FBXW2: variants seen among roughly 807,000 people sequenced by gnomAD.
FBXW2 encodes the protein F-box/WD repeat-containing protein 2.
In FBXW2, 12 loss-of-function variants were observed where a neutral mutation model predicts 46.0. That is an observed-to-expected ratio of 0.26 (90% CI 0.17 to 0.42). FBXW2 has a LOEUF of 0.42. FBXW2 is among the 10% of genes least tolerant of loss of function. The pLI, the probability that FBXW2 is intolerant of heterozygous loss-of-function variation, is 1.00. For missense variants in FBXW2, 360 were observed against 537.0 expected, an observed-to-expected ratio of 0.67 and a Z score of 3.26; for synonymous variants, 203 against 209.6, an observed-to-expected ratio of 0.97 and a Z score of 0.27.
intron 2 of FBXW2, among the ~76,000 whole-genome samples, chr9:120,790,541 GA>G (rs1411334974): frequency 2.2e-4 from 33 of 152,268 alleles, no homozygotes; most frequent in African/African-American, 7.9e-4. Flanking sequence ...TTTTAACAGT[GA>G]AAAGTGTGGT....
At position 120,792,854 on chromosome 9, in the gene FBXW2, T is replaced by C. The variant is rs2044878831; in HGVS notation, c.-21+295A>G. The C allele has an allele frequency of 2.0e-6, 3 of 1,466,756 alleles. No individual in the cohort carries two copies. In the East Asian group the frequency reaches 8.5e-5, roughly 42 times the overall value. 90.9% of individuals were successfully genotyped at this position (1,466,756 alleles called of 1,614,324 possible). On this transcript the variant is annotated intron_variant, in intron 2 of 7. Transcript: ENST00000608872. ...TACTTAGCATTAATATTGTTATCTT[T>C]GCTTTACTTCAAGCAGCACCCCACA...
chr9:120,785,333 T>A (rs1411382293), intron 3 of FBXW2, among the ~76,000 whole-genome samples: 2 of 152,038 alleles, frequency 1.3e-5, no homozygotes, highest in Non-Finnish European at 2.9e-5. Flanking sequence ...TCTTTTAAAA[T>A]CATGAGGCAA....
At chr9:120,792,926 C>T in intron 2 of FBXW2, 1 of 1,530,676 alleles carries the variant, frequency 6.5e-7, no homozygotes, top group Non-Finnish European at 8.7e-7. Context: ...CGCAGTATAG[C>T]GCTTTGTACT....
intron 6 of FBXW2, among the ~76,000 whole-genome samples, chr9:120,772,553 T>A (rs2044402616): frequency 6.6e-6 from 1 of 152,192 alleles, no homozygotes; most frequent in African/African-American, 2.4e-5. Flanking sequence ...AATTTCTTTT[T>A]CATTTACAAA....
chr9:120,787,972 T>C lies in FBXW2; in HGVS notation c.287A>G (p.Glu96Gly). The change falls in exon 3 of 8, where the codon GAG becomes GGG. Residue 96 changes from glutamate (E) to glycine (G), a missense_variant. Coordinates refer to ENST00000608872, the MANE Select transcript of FBXW2 (RefSeq NM_012164.4). ...QWNKVISACT[E>G]VWQTACKNLG... ...ATTTTTACATGCAGTCTGCCACACC[T>C]CTGTACAGGCACTTATCACCTTATT... The C allele has an allele frequency of 6.2e-7, 1 of 1,614,198 alleles. No individual in the cohort carries two copies. The highest frequency in any genetic ancestry group is 8.5e-7 in the Non-Finnish European group (1 of 1,180,036).
chr9:120,776,268 A>ACAT, intron 4 of FBXW2, 42 bp from the exon 5 acceptor site: 1 of 1,600,674 alleles, frequency 6.2e-7, no homozygotes, highest in Non-Finnish European at 8.5e-7. Context: ...TGTCTCTGTC[A>ACAT]GTGGGTCTTT....
Position 120,788,099 on chromosome 9 carries a change from G to A in FBXW2, c.160C>T (p.Arg54Trp), listed in dbSNP as rs1260580555. The A allele has an allele frequency of 9.9e-6, 16 of 1,614,152 alleles. No homozygotes were observed. The highest frequency in any genetic ancestry group is 4.5e-5 in the East Asian group (2 of 44,884). Residue 54 changes from arginine (R) to tryptophan (W), a missense_variant, in exon 3 of 8, where the codon CGG becomes TGG. By Grantham distance (101) the Arg-to-Trp change is moderately radical. Coordinates refer to ENST00000608872, the MANE Select transcript of FBXW2 (RefSeq NM_012164.4). ...LSNNLETLLK[R>W]DFLKLLPLEL... ...AGGGGAAGGAGTTTGAGGAAGTCCC[G>A]CTTGAGGAGAGTCTCTAGGTTATTG...
rs999166547 is a variant in FBXW2, at chr9:120,772,815, T to A, written c.845A>T (p.Lys282Met). ...GTCTCCAGGACTGTGCAAGAGAGAC[T>A]TGACTTTGCACTTCTGCAAAACTAC... ...TKVVLQKCKV[K>M]SLLHSPGDYI... The change falls in exon 6 of 8, where the codon AAG (lysine) becomes ATG (methionine). Residue 282 changes from lysine (K) to methionine (M), a missense_variant. Transcript: ENST00000608872. The A allele has an allele frequency of 1.2e-6, 2 of 1,612,034 alleles. No homozygotes were observed. The highest frequency in any genetic ancestry group is 2.7e-5 in the African/African-American group (2 of 74,786).
At chr9:120,768,925 C>T (rs897429021) in intron 7 of FBXW2, among the ~76,000 whole-genome samples, 1 of 152,154 alleles carries the variant, frequency 6.6e-6, no homozygotes, top group Non-Finnish European at 1.5e-5. Context: ...AGGTGGCTAC[C>T]GGGTTAGGGC....
Position 120,764,295 on chromosome 9 carries a change from G to A in FBXW2, c.*264C>T, listed in dbSNP as rs1436648918. The A allele has an allele frequency of 2.4e-6, 1 of 421,516 alleles. No individual in the cohort carries two copies. Among genetic ancestry groups the A allele is most frequent in the East Asian group, 3.3e-5 (1 of 29,960 alleles). The allele number at this position is 421,516 out of a possible 1,614,324, so 26.1% of individuals were successfully genotyped here. On this transcript the variant is annotated 3_prime_UTR_variant, in exon 8 of 8. Transcript: ENST00000608872. ...CACTCAAGAAAGATGAACCCAAAAT[G>A]CATCCTCTAACACTGACCAACATAA...
intron 3 of FBXW2, among the ~76,000 whole-genome samples, chr9:120,780,602 T>G (rs2044590781): frequency 6.6e-6 from 1 of 152,152 alleles, no homozygotes; most frequent in Non-Finnish European, 1.5e-5. Context: ...TTTAAGGCCT[T>G]CAGTTCAGGC....
intron 2 of FBXW2, 118 bp downstream of exon 2, chr9:120,793,031 C>T: frequency 1.5e-6 from 2 of 1,295,834 alleles, no homozygotes; most frequent in Non-Finnish European, 2.2e-6. Context: ...GAAATGGAGG[C>T]AGTAGGAGGC....
At chr9:120,780,411 G>A (rs2044587274) in intron 3 of FBXW2, among the ~76,000 whole-genome samples, 1 of 151,184 alleles carries the variant, frequency 6.6e-6, no homozygotes, top group Non-Finnish European at 1.5e-5. Context: ...AACTCAGTAT[G>A]TCAAAAATGT....
chr9:120,786,558 T>C lies in FBXW2; in HGVS notation c.490+1211A>G, dbSNP rs534005065. Among the ~76,000 whole-genome samples, 4 of 152,358 alleles carry C rather than the reference T, an allele frequency of 2.6e-5. No individual in the cohort carries two copies. In the East Asian group the frequency reaches 5.8e-4, roughly 22 times the overall value. ...TTAGCAGTCTGAGAATGGACTAATATATGCATTAATATGGAAATGGCTAAA... is the reference window on the plus strand; with the variant it reads ...TTAGCAGTCTGAGAATGGACTAATACATGCATTAATATGGAAATGGCTAAA... On this transcript the variant is annotated intron_variant, in intron 3 of 7. Coordinates refer to ENST00000608872, the MANE Select transcript of FBXW2 (RefSeq NM_012164.4).
Position 120,787,641 on chromosome 9 carries a change from G to A in FBXW2, c.490+128C>T. On this transcript the variant is annotated intron_variant, in intron 3 of 7. Coordinates refer to ENST00000608872, the MANE Select transcript of FBXW2 (RefSeq NM_012164.4). ...AAGGGGGGGGAACCACTCAGGATTA[G>A]AGAAAAAAAGTCACTGTACATATCT... 3 of 940,390 alleles carry A rather than the reference G, an allele frequency of 3.2e-6. No homozygotes were observed. The South Asian group carries it at 5.6e-5, about 17-fold the overall frequency. The allele number at this position is 940,390 out of a possible 1,614,324, so 58.3% of individuals were successfully genotyped here.
chr9:120,764,843 T>A lies in FBXW2; in HGVS notation c.1081A>T (p.Ile361Phe). 6.3e-7 allele frequency: 1 copy of A among 1,579,874 alleles called. No individual in the cohort carries two copies. Among genetic ancestry groups the A allele is most frequent in the Non-Finnish European group, 8.6e-7 (1 of 1,160,926 alleles). Residue 361 changes from isoleucine (I) to phenylalanine (F), a missense_variant, in exon 8 of 8, where the codon ATC becomes TTC. Coordinates refer to ENST00000608872, the MANE Select transcript of FBXW2 (RefSeq NM_012164.4). ...DFASYDILRV[I>F]KTPEIANLAL... is the part of the protein sequence containing the mutation. ...AAGTTTGCTATCTCAGGAGTCTTGATGACCCTACAAGGATGAGAGTTAGGG... is the reference window on the plus strand; with the variant it reads ...AAGTTTGCTATCTCAGGAGTCTTGAAGACCCTACAAGGATGAGAGTTAGGG...
chr9:120,789,268 A>T (rs967212183), intron 2 of FBXW2, among the ~76,000 whole-genome samples: 8 of 152,232 alleles, frequency 5.3e-5, no homozygotes, highest in African/African-American at 1.9e-4. Context: ...AACCAGGAGA[A>T]CCACGACCAA....
rs745358674 is a variant in FBXW2, at chr9:120,772,785, A to C, written c.875T>G (p.Ile292Ser). The part of the protein sequence containing the change: ...KSLLHSPGDY[I>S]LLSADKYEIK... ...CTCATATTTGTCTGCACTTAAGAGG[A>C]TGTAGTCTCCAGGACTGTGCAAGAG... Residue 292 changes from isoleucine to serine, a missense_variant, in exon 6 of 8, where the codon ATC becomes AGC. Physicochemically the swap from Ile to Ser is moderately radical, Grantham distance 142 (BLOSUM62 -2). Transcript: ENST00000608872. 1 of 1,577,740 alleles carries C rather than the reference A, an allele frequency of 6.3e-7. No individual in the cohort carries two copies. Among genetic ancestry groups the C allele is most frequent in the African/African-American group, 1.4e-5 (1 of 71,880 alleles).
intron 2 of FBXW2, among the ~76,000 whole-genome samples, chr9:120,788,530 T>C (rs1449940330): frequency 1.3e-5 from 2 of 152,226 alleles, no homozygotes; most frequent in Non-Finnish European, 2.9e-5. Flanking sequence ...CAGACTGGCG[T>C]GTGTGACTTA....
Sources: allele counts gnomAD v4.1 joint callset (sites outside exome capture counted in the v4.1 genomes callset), GRCh38; gene constraint gnomAD v4.1.1; transcripts MANE v1.5; gene names NCBI Gene and HGNC (gene_info 2026-07-23, HGNC 2026-07-21).